Variants in SEM1 observed in about 807,000 individuals in gnomAD.
The protein encoded by SEM1 is 26S proteasome complex subunit SEM1.
Under a neutral mutation model 12.7 loss-of-function variants are expected in SEM1, and 3 were observed. The observed-to-expected ratio is 0.24, with a 90% CI of 0.11 to 0.61. SEM1 has a LOEUF of 0.61. SEM1 is among the 20% of genes least tolerant of loss of function. The pLI is 0.88. For synonymous variants in SEM1, 30 were observed against 27.8 expected, an observed-to-expected ratio of 1.08 and a Z score of -0.25; for missense variants, 59 against 81.3, an observed-to-expected ratio of 0.73 and a Z score of 1.06.
chr7:96,580,681 A>G (rs1371321222), intron 2 of SEM1, among the ~76,000 whole-genome samples: 1 of 151,528 alleles, frequency 6.6e-6, no homozygotes, highest in Non-Finnish European at 1.5e-5. Flanking sequence ...GTGAGATGGT[A>G]TCTCATTGTG....
intron 2 of SEM1, among the ~76,000 whole-genome samples, chr7:96,588,353 AACACACACACACACACACACACACAC>A (rs56655484): frequency 1.4e-5 from 2 of 140,948 alleles, no homozygotes; most frequent in African/African-American, 5.4e-5. Context: ...TCTAAAAACA[AACACACACACACACACACACACACAC>A]ACACACACAC....
intron 2 of SEM1, among the ~76,000 whole-genome samples, chr7:96,560,868 C>T (rs1295844307): frequency 6.6e-6 from 1 of 151,964 alleles, no homozygotes; most frequent in Non-Finnish European, 1.5e-5. Flanking sequence ...ATAATAAATT[C>T]CCATATATAT....
chr7:96,577,027 G>C (rs1806227737), intron 2 of SEM1, among the ~76,000 whole-genome samples: 1 of 151,964 alleles, frequency 6.6e-6, no homozygotes, highest in African/African-American at 2.4e-5. Flanking sequence ...TGAGGCAGGA[G>C]GATCGATTGA....
chr7:96,624,256 CA>C (rs1807989414), intron 2 of SEM1, among the ~76,000 whole-genome samples: 1 of 151,982 alleles, frequency 6.6e-6, no homozygotes, highest in Admixed American at 6.6e-5. Context: ...ATAAATAAGA[CA>C]AAAAGTTAAT....
chr7:96,488,831 G>C, intron 1 of SEM1, among the ~76,000 whole-genome samples: 1 of 152,196 alleles, frequency 6.6e-6, no homozygotes. Flanking sequence ...GTATTGGCCT[G>C]TTTTGTTCTT....
chr7:96,693,343 C>T (rs1789984387), intron 2 of SEM1, among the ~76,000 whole-genome samples: 1 of 151,952 alleles, frequency 6.6e-6, no homozygotes, highest in Non-Finnish European at 1.5e-5. Context: ...AAAAAAGTCT[C>T]TTCAACAAAT....
chr7:96,607,910 G>GC (rs1807433471), intron 2 of SEM1, among the ~76,000 whole-genome samples: 1 of 152,164 alleles, frequency 6.6e-6, no homozygotes, highest in East Asian at 1.9e-4. Context: ...TGTCTGCCTG[G>GC]ATCAGACATC....
At chr7:96,497,462 T>G (rs998597972), upstream of SEM1, among the ~76,000 whole-genome samples, 1 of 152,178 alleles carries the variant, frequency 6.6e-6, no homozygotes, top group Admixed American at 6.6e-5. Flanking sequence ...ATGCTTAAAT[T>G]GATACATGTA....
At chr7:96,595,994 G>A (rs1806987555) in intron 2 of SEM1, among the ~76,000 whole-genome samples, 1 of 152,180 alleles carries the variant, frequency 6.6e-6, no homozygotes, top group Admixed American at 6.5e-5. Flanking sequence ...TAGGGTGGAG[G>A]GGAGGGAGTT....
At position 96,709,810 on chromosome 7, in the gene SEM1, A is replaced by C. The variant is rs775752690; in HGVS notation, c.-47T>G. Reference sequence around the variant, plus strand: ...CCTCCCAGATAAGCAGAAAAGTTGGAACCCTCACTCTTCCTCAAGGAAACG... The same window carrying C: ...CCTCCCAGATAAGCAGAAAAGTTGGCACCCTCACTCTTCCTCAAGGAAACG... On this transcript the variant is annotated 5_prime_UTR_variant, in exon 1 of 3. Transcript: ENST00000248566. The C allele has an allele frequency of 6.3e-7, 1 of 1,582,010 alleles. No homozygotes were observed. Among genetic ancestry groups the C allele is most frequent in the Non-Finnish European group, 8.7e-7 (1 of 1,151,664 alleles).
chr7:96,623,597 C>T (rs1807964064), intron 2 of SEM1, among the ~76,000 whole-genome samples: 1 of 146,772 alleles, frequency 6.8e-6, no homozygotes, highest in African/African-American at 2.5e-5. Context: ...TAAATATATA[C>T]TTGTTTATAT....
chr7:96,482,419 C>T (rs950315198), exon 4 of SEM1: 1 of 152,134 alleles, frequency 6.6e-6, no homozygotes, highest in Non-Finnish European at 1.5e-5. Context: ...TATATATCAC[C>T]CATCCAAATG....
At chr7:96,637,083 T>C (rs1418057146) in intron 2 of SEM1, among the ~76,000 whole-genome samples, 1 of 152,070 alleles carries the variant, frequency 6.6e-6, no homozygotes, top group African/African-American at 2.4e-5. Context: ...CCACTGTCTC[T>C]GGTTCCCCAC....
At chr7:96,490,416 C>T (rs1802959713) in intron 1 of SEM1, among the ~76,000 whole-genome samples, 1 of 152,116 alleles carries the variant, frequency 6.6e-6, no homozygotes, top group Non-Finnish European at 1.5e-5. Flanking sequence ...CTTCTGAGAG[C>T]TTTTAATGAT....
intron 2 of SEM1, among the ~76,000 whole-genome samples, chr7:96,553,769 T>C (rs370879356): frequency 1.3e-5 from 2 of 152,190 alleles, no homozygotes; most frequent in African/African-American, 4.8e-5. Flanking sequence ...ACATTGAATC[T>C]GTAAATTACC....
intron 2 of SEM1, among the ~76,000 whole-genome samples, chr7:96,569,238 A>T (rs866257105): frequency 3.3e-5 from 5 of 152,110 alleles, no homozygotes; most frequent in African/African-American, 1.2e-4. Flanking sequence ...TTGTAAGTTT[A>T]TTGAAAAAGT....
downstream of SEM1, among the ~76,000 whole-genome samples, chr7:96,671,155 G>C (rs1789305951): frequency 6.6e-6 from 1 of 152,144 alleles, no homozygotes; most frequent in Non-Finnish European, 1.5e-5. Flanking sequence ...TTTGTAGCTA[G>C]AAAAATTAAG....
chr7:96,549,140 C>T (rs1282233182), intron 2 of SEM1, among the ~76,000 whole-genome samples: 1 of 152,154 alleles, frequency 6.6e-6, no homozygotes, highest in Non-Finnish European at 1.5e-5. Context: ...AATACTATCC[C>T]ACATATGCTG....
chr7:96,622,856 T>A (rs1807939405), intron 2 of SEM1: 2 of 521,564 alleles, frequency 3.8e-6, no homozygotes, highest in South Asian at 6.0e-5. Flanking sequence ...TTTCAAAAGG[T>A]GAAATTCTAG....
Sources: gnomAD v4.1 joint callset for allele counts (sites outside exome capture counted in the v4.1 genomes callset) on GRCh38, gnomAD v4.1.1 for gene constraint, MANE v1.5 for transcripts, NCBI Gene and HGNC (gene_info 2026-07-23, HGNC 2026-07-21) for gene names.